EXD3: variants seen among roughly 807,000 people sequenced by gnomAD.
EXD3 encodes exonuclease mut-7 homolog.
EXD3 carries 92 observed loss-of-function variants against 98.0 expected under a neutral mutation model. That is an observed-to-expected ratio of 0.94 (90% CI 0.79 to 1.12). EXD3 has a LOEUF of 1.12. Ranked by LOEUF, EXD3 falls within the 50% of genes most tolerant of loss-of-function variation. EXD3 has a pLI of 0.00. For missense variants in EXD3, 1,222 were observed against 1,191.6 expected, an observed-to-expected ratio of 1.03 and a Z score of -0.38; for synonymous variants, 569 against 526.0, an observed-to-expected ratio of 1.08 and a Z score of -1.12.
intron 19 of EXD3, among the ~76,000 whole-genome samples, chr9:137,313,289 C>T (rs1047987266): frequency 5.3e-5 from 8 of 152,124 alleles, no homozygotes; most frequent in African/African-American, 1.9e-4. Flanking sequence ...CTCCAAGAGA[C>T]TGGGCCAGGT....
chr9:137,317,721 G>A (rs1831764368), intron 19 of EXD3, among the ~76,000 whole-genome samples: 1 of 152,080 alleles, frequency 6.6e-6, no homozygotes, highest in South Asian at 2.1e-4. Flanking sequence ...AGCCCTGGGG[G>A]CTGCACTAAG....
intron 19 of EXD3, among the ~76,000 whole-genome samples, chr9:137,313,580 C>T (rs974579235): frequency 6.6e-6 from 1 of 152,216 alleles, no homozygotes; most frequent in African/African-American, 2.4e-5. Flanking sequence ...CTTGTTGCAA[C>T]CTCAGCCCAG....
intron 5 of EXD3, among the ~76,000 whole-genome samples, chr9:137,370,120 G>A (rs1160740816): frequency 1.3e-5 from 2 of 152,180 alleles, no homozygotes; most frequent in Admixed American, 1.3e-4. Flanking sequence ...ACAGGGGTGG[G>A]GGGCTGGGGG....
rs1837583301 is a variant in EXD3 at position 137,403,695 on chromosome 9, G to A, written c.-47-8291C>T. ...AGCAGGCCCGAGATCCAGGGTCTTAGGGCTCCTCCCAGCAGGGCAGACCCA... is the reference window on the plus strand; with the variant it reads ...AGCAGGCCCGAGATCCAGGGTCTTAAGGCTCCTCCCAGCAGGGCAGACCCA... On this transcript the variant is annotated intron_variant, in intron 1 of 21. Transcript: ENST00000340951. This position sits in a 1 kb window ranked among gnomAD's most constrained non-coding sequence, Gnocchi z 6.1. Among the ~76,000 whole-genome samples, 1 of 152,120 alleles carries A rather than the reference G, an allele frequency of 6.6e-6. No homozygotes were observed. The highest frequency in any genetic ancestry group is 2.4e-5 in the African/African-American group (1 of 41,410).
Position 137,407,146 on chromosome 9 carries a change from C to T in EXD3, c.-47-11742G>A, listed in dbSNP as rs1315667721. On this transcript the variant is annotated intron_variant, in intron 1 of 21. Coordinates refer to ENST00000340951, the MANE Select transcript of EXD3 (RefSeq NM_017820.5). The surrounding 1 kb of genome is among the most constrained non-coding windows in gnomAD (Gnocchi z 4.4). Reference sequence around the variant, plus strand: ...CACCCCACGCCGACCGCCGCGCGTCCGGGCCGGTCTCTGGGCCCCTCTGCT... The same window carrying T: ...CACCCCACGCCGACCGCCGCGCGTCTGGGCCGGTCTCTGGGCCCCTCTGCT... Among the ~76,000 whole-genome samples the T allele has an allele frequency of 6.6e-6, 1 of 152,280 alleles. No homozygotes were observed. The highest frequency in any genetic ancestry group is 3.4e-3 in the Middle Eastern group (1 of 292).
intron 3 of EXD3, among the ~76,000 whole-genome samples, chr9:137,379,813 G>A (rs970539569): frequency 3.3e-5 from 5 of 152,052 alleles, no homozygotes; most frequent in Non-Finnish European, 4.4e-5. Flanking sequence ...ACCACAGCCC[G>A]CCTTCCCTCA....
intron 2 of EXD3, among the ~76,000 whole-genome samples, chr9:137,390,905 T>C (rs9696607): frequency 0.68 from 102,935 of 152,176 alleles, 36,729 homozygotes; most frequent in African/African-American, 0.91. Context: ...GGGCAGGGGG[T>C]GAGGACACAG....
intron 17 of EXD3, among the ~76,000 whole-genome samples, chr9:137,341,043 G>C (rs1481708208): frequency 6.6e-6 from 1 of 152,198 alleles, no homozygotes; most frequent in Non-Finnish European, 1.5e-5. Flanking sequence ...AAGCTGGGCA[G>C]GGTGGCTCAC....
rs1368038206 is a variant in EXD3 at position 137,327,759 on chromosome 9, T to A, written c.1999-3616A>T. Reference sequence around the variant, plus strand: ...ACATGATGAGTAAAAACAACTAATATACTCCCATAGGATGAGTAAAAACAA... The same window carrying A: ...ACATGATGAGTAAAAACAACTAATAAACTCCCATAGGATGAGTAAAAACAA... On this transcript the variant is annotated intron_variant, in intron 17 of 21. Coordinates refer to ENST00000340951, the MANE Select transcript of EXD3 (RefSeq NM_017820.5). 1.9e-4 allele frequency among the ~76,000 whole-genome samples: 29 copies of A among 150,984 alleles called. 3 individuals carry two copies. Among genetic ancestry groups the A allele is most frequent in the African/African-American group, 5.8e-4 (24 of 41,188 alleles).
chr9:137,338,009 G>A (rs1232226234), intron 17 of EXD3, among the ~76,000 whole-genome samples: 1 of 152,036 alleles, frequency 6.6e-6, no homozygotes, highest in African/African-American at 2.4e-5. Context: ...GGATGGTCTC[G>A]ATCTCCTGAC....
chr9:137,324,080 G>A lies in EXD3; in HGVS notation c.2052+10C>T, dbSNP rs1233376198. On this transcript the variant is annotated intron_variant, in intron 18 of 21. Transcript: ENST00000340951. This position sits in a 1 kb window ranked among gnomAD's most constrained non-coding sequence, Gnocchi z 4.1. ...CTCAGGCCCACTGAGCTTATCTTTGGGACACTCACCTTGTGGAATGGCTGC... is the reference window on the plus strand; with the variant it reads ...CTCAGGCCCACTGAGCTTATCTTTGAGACACTCACCTTGTGGAATGGCTGC... The A allele has an allele frequency of 1.3e-6, 2 of 1,583,018 alleles. No individual in the cohort carries two copies. The highest frequency in any genetic ancestry group is 3.6e-5 in the Admixed American group (2 of 55,460).
chr9:137,314,355 G>T (rs1831526189), intron 19 of EXD3, among the ~76,000 whole-genome samples: 2 of 152,308 alleles, frequency 1.3e-5, no homozygotes, highest in African/African-American at 4.8e-5. Flanking sequence ...AACCTGGCCA[G>T]TCCCGGCACT....
intron 19 of EXD3, among the ~76,000 whole-genome samples, chr9:137,317,933 G>T (rs907659174): frequency 4.6e-5 from 7 of 152,186 alleles, no homozygotes; most frequent in African/African-American, 1.4e-4. Flanking sequence ...TGACATGGGG[G>T]TGCCAAGCGT....
chr9:137,353,660 C>T (rs1008983178), intron 10 of EXD3: 22 of 985,806 alleles, frequency 2.2e-5, no homozygotes, highest in Middle Eastern at 1.0e-3. Flanking sequence ...GCGGGACCCT[C>T]AGCCCCCGCT....
chr9:137,340,220 G>A (rs1450125253), intron 17 of EXD3, among the ~76,000 whole-genome samples: 4 of 152,228 alleles, frequency 2.6e-5, no homozygotes, highest in East Asian at 1.9e-4. Flanking sequence ...GCTCACGCCT[G>A]TAATCTCAGC....
rs147459520 is a variant in EXD3, at chr9:137,363,646, A to C, written c.656+2847T>G. On this transcript the variant is annotated intron_variant, in intron 7 of 21. Coordinates refer to ENST00000340951, the MANE Select transcript of EXD3 (RefSeq NM_017820.5). ...GAGCCACTGCATCCAACCATGGTGC[A>C]ATTTCTTTCTTAAATGTTTGAAAAC... Among the ~76,000 whole-genome samples the C allele has an allele frequency of 2.6e-5, 4 of 152,200 alleles. No individual in the cohort carries two copies. In the East Asian group the frequency reaches 5.8e-4, roughly 22 times the overall value.
At chr9:137,336,314 T>A (rs1833349420) in intron 17 of EXD3, among the ~76,000 whole-genome samples, 1 of 152,196 alleles carries the variant, frequency 6.6e-6, no homozygotes, top group African/African-American at 2.4e-5. Context: ...TAAATCGATG[T>A]AAGATCCCTG....
At chr9:137,332,683 A>G (rs1833145062) in intron 17 of EXD3, among the ~76,000 whole-genome samples, 1 of 149,528 alleles carries the variant, frequency 6.7e-6, no homozygotes, top group Non-Finnish European at 1.5e-5. Flanking sequence ...CTCTACTAAA[A>G]AGCACAAAAA....
chr9:137,392,891 C>A, intron 2 of EXD3: 5 of 372,072 alleles, frequency 1.3e-5, no homozygotes, highest in Non-Finnish European at 2.0e-5. Flanking sequence ...ATTAGTGTTC[C>A]AGCGGGCACC....
Sources: gnomAD v4.1 joint callset for allele counts (sites outside exome capture counted in the v4.1 genomes callset) on GRCh38, gnomAD v4.1.1 for gene constraint, Gnocchi (gnomAD v3.1) non-coding constraint, MANE v1.5 for transcripts, NCBI Gene and HGNC (gene_info 2026-07-23, HGNC 2026-07-21) for gene names.